The following AR variants were observed in gnomAD, a reference collection of about 807,000 sequenced individuals.
AR encodes the protein androgen receptor.
A neutral mutation model predicts 53.9 loss-of-function variants in AR; 8 were observed. The observed-to-expected ratio is 0.15, with a 90% CI of 0.09 to 0.27. The LOEUF is 0.27. AR is among the 10% of genes least tolerant of loss of function. The probability of loss-of-function intolerance (pLI) is 1.00; values close to 1 mark genes in which losing one functional copy is unlikely to be tolerated. For synonymous variants in AR, 359 were observed against 316.4 expected (o/e 1.13, Z -1.43); for missense variants, 639 against 742.5 (o/e 0.86, Z 1.62).
chrX:67,649,142 GTGTT>G (rs1359253769), intron 2 of AR, among the ~76,000 whole-genome samples: 1 of 111,500 alleles, frequency 9.0e-6, no homozygotes, highest in African/African-American at 3.3e-5. Context: ...TTCTGTTCCT[GTGTT>G]TGTTTTCTGA....
intron 3 of AR, among the ~76,000 whole-genome samples, chrX:67,702,081 C>T (rs963042782): frequency 1.8e-5 from 2 of 111,547 alleles, no homozygotes; most frequent in Non-Finnish European, 3.8e-5. Flanking sequence ...AGATGAGGTT[C>T]AGATGATTGG....
chrX:67,624,969 G>A (rs1210676329), intron 1 of AR, among the ~76,000 whole-genome samples: 1 of 73,124 alleles, frequency 1.4e-5, no homozygotes, highest in Non-Finnish European at 2.6e-5. Context: ...TGGAAAGGAA[G>A]AGGTGAAAAT....
chrX:67,564,611 G>C (rs1281480370), intron 1 of AR, among the ~76,000 whole-genome samples: 2 of 111,544 alleles, frequency 1.8e-5, no homozygotes, highest in Non-Finnish European at 1.9e-5. Flanking sequence ...TATTTCTGTG[G>C]TGTCAGTGGT....
chrX:67,640,577 C>T (rs536458144), intron 1 of AR, among the ~76,000 whole-genome samples: 1 of 111,079 alleles, frequency 9.0e-6, no homozygotes, highest in Non-Finnish European at 1.9e-5. Context: ...TTATCTATTT[C>T]TTCTAGATTT....
chrX:67,630,223 A>T (rs1438785803), intron 1 of AR, among the ~76,000 whole-genome samples: 28 of 110,908 alleles, frequency 2.5e-4, no homozygotes, highest in Non-Finnish European at 1.7e-4. Context: ...GATCTGTCTA[A>T]TGTTGACAGT....
At position 67,656,741 on chromosome X, in the gene AR, C is replaced by G. The variant is rs767960412; in HGVS notation, c.1768+13334C>G. 3.6e-5 allele frequency among the ~76,000 whole-genome samples: 4 copies of G among 110,639 alleles called. 1 individual carries two copies. The South Asian group carries it at 1.6e-3, about 43-fold the overall frequency. On this transcript the variant is annotated intron_variant, in intron 2 of 7. Coordinates refer to ENST00000374690, the MANE Select transcript of AR (RefSeq NM_000044.6). Reference sequence around the variant, plus strand: ...ATCAAGCATCTGTTTTATGTCAGGCCTCGTGCTGGATGGCAGGGAGAGAGA... The same window carrying G: ...ATCAAGCATCTGTTTTATGTCAGGCGTCGTGCTGGATGGCAGGGAGAGAGA...
chrX:67,641,201 C>A (rs1043717273), intron 1 of AR, among the ~76,000 whole-genome samples: 1 of 111,721 alleles, frequency 9.0e-6, no homozygotes, highest in African/African-American at 3.2e-5. Context: ...TTAATAGATG[C>A]GTGATCTTGA....
chrX:67,598,735 TC>T (rs1923198617), intron 1 of AR, among the ~76,000 whole-genome samples: 1 of 111,084 alleles, frequency 9.0e-6, no homozygotes, highest in South Asian at 3.8e-4. Context: ...GAAGCCATAG[TC>T]TTCTTAGCTG....
intron 1 of AR, among the ~76,000 whole-genome samples, chrX:67,624,166 G>T (rs771228088): frequency 4.5e-5 from 5 of 111,279 alleles, no homozygotes; most frequent in East Asian, 5.7e-4. Context: ...TTCCTACCAG[G>T]TCCCTTCCCC....
intron 2 of AR, among the ~76,000 whole-genome samples, chrX:67,666,297 T>C (rs953702621): frequency 1.3e-4 from 14 of 111,669 alleles, no homozygotes; most frequent in African/African-American, 4.6e-4. Context: ...CCCACAAATA[T>C]GTGAGAAAAT....
intron 3 of AR, among the ~76,000 whole-genome samples, chrX:67,691,278 G>A (rs900191316): frequency 8.9e-6 from 1 of 112,273 alleles, no homozygotes; most frequent in African/African-American, 3.2e-5. Context: ...CAATTGGCTT[G>A]TATAAGAGGC....
At chrX:67,671,146 T>C (rs1193105801) in intron 2 of AR, among the ~76,000 whole-genome samples, 1 of 112,126 alleles carries the variant, frequency 8.9e-6, no homozygotes, top group Non-Finnish European at 1.9e-5. Flanking sequence ...TCAAATGATA[T>C]TTCTGGTTCT....
At chrX:67,624,199 C>T (rs1181791693) in intron 1 of AR, among the ~76,000 whole-genome samples, 2 of 111,705 alleles carry the variant, frequency 1.8e-5, no homozygotes, top group East Asian at 2.8e-4. Context: ...TACAATTCAA[C>T]GTGCGATTTG....
At chrX:67,665,212 C>T (rs946350532) in intron 2 of AR, among the ~76,000 whole-genome samples, 10 of 112,679 alleles carry the variant, frequency 8.9e-5, no homozygotes, top group Admixed American at 2.8e-4. Flanking sequence ...GTTGCTCACG[C>T]TGGGAGCTGT....
intron 3 of AR, among the ~76,000 whole-genome samples, chrX:67,704,741 T>C (rs774328476): frequency 8.9e-6 from 1 of 112,042 alleles, no homozygotes; most frequent in Admixed American, 9.5e-5. Context: ...TCATGAATGG[T>C]ATTGCCTAGG....
rs187865187 is a variant in AR, at chrX:67,615,228, A to C, written c.1617-28028A>C. ...AAACATCAACCTACACATCAAAGAA[A>C]ATTTTTTTAAAACTTCAAGCAGGAA... On this transcript the variant is annotated intron_variant, in intron 1 of 7. Transcript: ENST00000374690. Among the ~76,000 whole-genome samples, 177 of 111,316 alleles carry C rather than the reference A, an allele frequency of 1.6e-3. 2 individuals are homozygous for C. The highest frequency in any genetic ancestry group is 5.6e-3 in the African/African-American group (174 of 30,822).
Position 67,661,268 on chromosome X carries a change from G to C in AR, c.1768+17861G>C, listed in dbSNP as rs1427448265. Among the ~76,000 whole-genome samples, 3 of 110,855 alleles carry C rather than the reference G, an allele frequency of 2.7e-5. No homozygotes were observed. In the Admixed American group the frequency reaches 2.9e-4, roughly 11 times the overall value. The stretch of plus-strand genomic sequence containing the variant: ...ACAGTATGTTGAATAGGAGTGGTGA[G>C]AGAGGGCATCCCTGTCTTGTGCCAG... On this transcript the variant is annotated intron_variant, in intron 2 of 7. Coordinates refer to ENST00000374690, the MANE Select transcript of AR (RefSeq NM_000044.6).
chrX:67,718,107 G>A (rs141526455), intron 5 of AR, among the ~76,000 whole-genome samples: 155 of 111,972 alleles, frequency 1.4e-3, no homozygotes, highest in Non-Finnish European at 2.5e-3. Flanking sequence ...CCTTTTTATA[G>A]ATAACACTAT....
chrX:67,702,110 G>C (rs1372627380), intron 3 of AR, among the ~76,000 whole-genome samples: 1 of 111,653 alleles, frequency 9.0e-6, no homozygotes, highest in Admixed American at 9.6e-5. Context: ...CTTTTTTATA[G>C]CTGTGTTACC....
Sources: allele counts gnomAD v4.1 joint callset (sites outside exome capture counted in the v4.1 genomes callset), GRCh38; gene constraint gnomAD v4.1.1; transcripts MANE v1.5; gene names NCBI Gene and HGNC (gene_info 2026-07-23, HGNC 2026-07-21).